The following TASOR2 variants were observed in gnomAD, a reference collection of about 807,000 sequenced individuals.
The protein encoded by TASOR2 is protein TASOR 2.
In TASOR2, 84 loss-of-function variants were observed where a neutral mutation model predicts 199.5. The observed-to-expected ratio is 0.42, with a 90% CI of 0.35 to 0.50. The LOEUF (loss-of-function observed/expected upper bound fraction) is 0.50, where lower values mean the gene tolerates loss of function less well. Ranked by LOEUF, TASOR2 falls within the 20% of genes least tolerant of loss-of-function variation. The probability of loss-of-function intolerance (pLI) is 0.02; values close to 1 mark genes in which losing one functional copy is unlikely to be tolerated. For missense variants in TASOR2, 2,796 were observed against 2,835.9 expected (o/e 0.99, Z 0.32); for synonymous variants, 1,103 against 1,046.6 (o/e 1.05, Z -1.04).
Position 5,758,574 on chromosome 10 carries a change from C to G in TASOR2, c.6887-313C>G, listed in dbSNP as rs141621436. On this transcript the variant is annotated intron_variant, in intron 17 of 20. Transcript: ENST00000328090. ...TTCTGTATTTAGAAACTTCATTTCT[C>G]TACTGCATCGGGGCCTCCTGCTTCT... 6.8e-4 allele frequency among the ~76,000 whole-genome samples: 104 copies of G among 152,322 alleles called. 1 individual carries two copies. Among genetic ancestry groups the G allele is most frequent in the Middle Eastern group, 3.4e-3 (1 of 294 alleles).
At chr10:5,704,223 C>A (rs1838284976) in intron 1 of TASOR2, among the ~76,000 whole-genome samples, 6 of 131,908 alleles carry the variant, frequency 4.5e-5, no homozygotes, top group African/African-American at 1.4e-4. Context: ...GACTCCATCT[C>A]AAAAAAAAAA....
At chr10:5,755,964 C>T (rs1420208400) in intron 15 of TASOR2, among the ~76,000 whole-genome samples, 1 of 151,896 alleles carries the variant, frequency 6.6e-6, no homozygotes, top group African/African-American at 2.4e-5. Flanking sequence ...TTTACTGCAG[C>T]CTGGGTGACA....
intron 1 of TASOR2, among the ~76,000 whole-genome samples, chr10:5,693,725 C>CAGATTATGTTTATTT (rs1836782510): frequency 2.0e-5 from 3 of 152,172 alleles, no homozygotes; most frequent in Non-Finnish European, 4.4e-5. Flanking sequence ...CTTTATTTCA[C>CAGATTATGTTTATTT]CCAGATTATG....
rs1298625745 is a variant in TASOR2, at chr10:5,752,248, A to T, written c.6606+2221A>T. On this transcript the variant is annotated intron_variant, in intron 15 of 20. Transcript: ENST00000328090. The surrounding 1 kb of genome is among the most constrained non-coding windows in gnomAD (Gnocchi z 4.4). ...TGGGACAAGGAAAACACTGATTAAA[A>T]GAGTCACACAAATAAATGTGAAATG... Among the ~76,000 whole-genome samples, 1 of 152,234 alleles carries T rather than the reference A, an allele frequency of 6.6e-6. No individual in the cohort carries two copies. The highest frequency in any genetic ancestry group is 1.5e-5 in the Non-Finnish European group (1 of 68,040).
In TASOR2 at chr10:5,756,756, T is replaced by TA. The variant is rs1588924160; in HGVS notation, c.6732+19dup. 1.2e-6 allele frequency: 2 copies of TA among 1,608,880 alleles called. No homozygotes were observed. The highest frequency in any genetic ancestry group is 2.7e-5 in the African/African-American group (2 of 74,668). On this transcript the variant is annotated intron_variant, in intron 16 of 20. Transcript: ENST00000328090. Reference sequence around the variant, plus strand: ...TGCATCAGGTCGGTTGGAAATACCTTACAAAGAAACGTATTCCAGGCACAT... The same window carrying TA: ...TGCATCAGGTCGGTTGGAAATACCTTAACAAAGAAACGTATTCCAGGCACAT...
chr10:5,758,899 A>C (rs760716042), exon 18 of TASOR2: 2 of 1,612,562 alleles, frequency 1.2e-6, no homozygotes, highest in South Asian at 1.1e-5. Context: ...CAACTGAAGG[A>C]AATTATCAAA....
intron 1 of TASOR2, among the ~76,000 whole-genome samples, chr10:5,688,395 A>ATTTTTTTTTTTTTTTT (rs34362647): frequency 1.0e-5 from 1 of 99,892 alleles, no homozygotes. Flanking sequence ...CTAATTTTTA[A>ATTTTTTTTTTTTTTTT]TTTTTTTTTT....
At position 5,719,762 on chromosome 10, in the gene TASOR2, A is replaced by G. The variant is rs993668538; in HGVS notation, c.-99-782A>G. 2.6e-5 allele frequency among the ~76,000 whole-genome samples: 4 copies of G among 152,282 alleles called. No individual in the cohort carries two copies. In the East Asian group the frequency reaches 7.7e-4, roughly 29 times the overall value. ...AGCTGCCTGCTAAGAACTTTGCTAC[A>G]TATTTGCTCCTTGTTAACTTGCTGG... On this transcript the variant is annotated intron_variant, in intron 3 of 20. Coordinates refer to ENST00000328090, the Ensembl canonical transcript of TASOR2. This position sits in a 1 kb window ranked among gnomAD's most constrained non-coding sequence, Gnocchi z 4.1.
chr10:5,686,953 A>T (rs1835879425), intron 1 of TASOR2, among the ~76,000 whole-genome samples: 2 of 152,138 alleles, frequency 1.3e-5, no homozygotes, highest in Admixed American at 6.5e-5. Context: ...AGAAATTAAA[A>T]CTATCTTTTT....
rs9971202 is a variant in TASOR2, at chr10:5,688,677, G to A, written c.-288+3502G>A. Among the ~76,000 whole-genome samples, 904 of 152,174 alleles carry A rather than the reference G, an allele frequency of 5.9e-3. 10 individuals carry two copies. The highest frequency in any genetic ancestry group is 0.021 in the African/African-American group (863 of 41,520). ...TTGGAAAACATTGGTTCACTGAATT[G>A]TGCAGCTCTTTCACATGACACATTT... On this transcript the variant is annotated intron_variant, in intron 1 of 20. Coordinates refer to ENST00000328090, the Ensembl canonical transcript of TASOR2.
At position 5,761,602 on chromosome 10, in the gene TASOR2, A is replaced by G; in HGVS notation, c.7174+131A>G. 5.5e-6 allele frequency: 4 copies of G among 730,272 alleles called. No individual in the cohort carries two copies. The South Asian group carries it at 7.0e-5, about 13-fold the overall frequency. The allele number at this position is 730,272 out of a possible 1,614,324, so 45.2% of individuals were successfully genotyped here. A position where few individuals can be genotyped will look rare whatever the true frequency, so the allele number is the denominator to read the frequency against. On this transcript the variant is annotated intron_variant, in intron 19 of 20. Coordinates refer to ENST00000328090, the Ensembl canonical transcript of TASOR2. ...CATCCCATGGATACCAGAATCACCCAAATCTGCTGAAGCTGAAGCCCTTAT... is the reference window on the plus strand; with the variant it reads ...CATCCCATGGATACCAGAATCACCCGAATCTGCTGAAGCTGAAGCCCTTAT...
At chr10:5,736,013 C>T (rs1835517191) in intron 12 of TASOR2, among the ~76,000 whole-genome samples, 1 of 152,206 alleles carries the variant, frequency 6.6e-6, no homozygotes, top group Admixed American at 6.5e-5. Context: ...TTTACAATCA[C>T]TGCAACCTTG....
chr10:5,758,295 C>T (rs1839263646), intron 17 of TASOR2, among the ~76,000 whole-genome samples: 1 of 152,180 alleles, frequency 6.6e-6, no homozygotes. Context: ...AATCCCAACA[C>T]TTTGGGAGGC....
rs573827001 is a variant in TASOR2, at chr10:5,731,848, G to A, written c.1204+645G>A. On this transcript the variant is annotated intron_variant, in intron 11 of 20. Coordinates refer to ENST00000328090, the Ensembl canonical transcript of TASOR2. ...CCTCTTCACAAATGGAGGTAGAAAA[G>A]GTTCTTCTAAAATCAGGCACATCAG... Among the ~76,000 whole-genome samples, 33 of 152,308 alleles carry A rather than the reference G, an allele frequency of 2.2e-4. No individual in the cohort carries two copies. In the East Asian group the frequency reaches 5.6e-3, roughly 26 times the overall value.
chr10:5,741,641 AT>A (rs1420487732), intron 13 of TASOR2, among the ~76,000 whole-genome samples: 1 of 152,222 alleles, frequency 6.6e-6, no homozygotes, highest in East Asian at 1.9e-4. Flanking sequence ...GCCCAGAGAG[AT>A]ATTTTATCTT....
chr10:5,700,034 G>A (rs1837613535), intron 1 of TASOR2, among the ~76,000 whole-genome samples: 1 of 152,022 alleles, frequency 6.6e-6, no homozygotes, highest in East Asian at 1.9e-4. Context: ...CTAACACTAG[G>A]TCTTCTATCA....
chr10:5,749,660 G>C, exon 15 of TASOR2: 1 of 1,614,104 alleles, frequency 6.2e-7, no homozygotes, highest in Non-Finnish European at 8.5e-7. Context: ...AGAGATCTTA[G>C]AAATTCTCAA....
intron 2 of TASOR2, among the ~76,000 whole-genome samples, chr10:5,717,297 G>A (rs963156284): frequency 6.6e-6 from 1 of 152,046 alleles, no homozygotes; most frequent in Non-Finnish European, 1.5e-5. Flanking sequence ...AAAGCTTATT[G>A]ATCTTTTATA....
chr10:5,759,999 A>AAT (rs1379024521), intron 18 of TASOR2, among the ~76,000 whole-genome samples: 6 of 152,242 alleles, frequency 3.9e-5, no homozygotes, highest in African/African-American at 1.4e-4. Flanking sequence ...AGCATAAATC[A>AAT]ATCTAGCACT....
Sources: allele counts gnomAD v4.1 joint callset (sites outside exome capture counted in the v4.1 genomes callset), GRCh38; gene constraint gnomAD v4.1.1; non-coding constraint Gnocchi (gnomAD v3.1); transcripts MANE v1.5; gene names NCBI Gene and HGNC (gene_info 2026-07-23, HGNC 2026-07-21).